RPH3A: variants seen among roughly 807,000 people sequenced by gnomAD.
RPH3A encodes the protein rabphilin-3A.
In RPH3A, 48 loss-of-function variants were observed where a neutral mutation model predicts 102.2. The observed-to-expected ratio is 0.47, with a 90% CI of 0.37 to 0.60. RPH3A has a LOEUF of 0.60. Ranked by LOEUF, RPH3A falls within the 20% of genes least tolerant of loss-of-function variation. The probability of loss-of-function intolerance (pLI) is 0.00; values close to 1 mark genes in which losing one functional copy is unlikely to be tolerated. For synonymous variants in RPH3A, 310 were observed against 324.3 expected (o/e 0.96, Z 0.47); for missense variants, 781 against 910.1 (o/e 0.86, Z 1.83).
chr12:112,869,784 G>T lies in RPH3A; in HGVS notation c.636G>T (p.Pro212=). 6.2e-7 allele frequency: 1 copy of T among 1,614,112 alleles called. No individual in the cohort carries two copies. Among genetic ancestry groups the T allele is most frequent in the South Asian group, 1.1e-5 (1 of 91,064 alleles). ...ARGDSEDRRG[P]GQKTGPDPAS... is the part of the protein sequence containing the mutation. ...GTGACAGTGAAGATAGGAGGGGCCCGGGTCAGAAGACAGGTGGGTTCTGCT... is the reference window on the plus strand; with the variant it reads ...GTGACAGTGAAGATAGGAGGGGCCCTGGTCAGAAGACAGGTGGGTTCTGCT... Residue 212 remains proline, a synonymous_variant, in exon 9 of 22, where the codon CCG becomes CCT. Transcript: ENST00000389385.
chr12:112,741,194 A>G (rs2040706368), intron 1 of RPH3A, among the ~76,000 whole-genome samples: 1 of 152,160 alleles, frequency 6.6e-6, no homozygotes, highest in Non-Finnish European at 1.5e-5. Context: ...ACAAAACAGA[A>G]AACAAGTTAA....
chr12:112,802,268 G>A (rs1161759773), intron 2 of RPH3A, among the ~76,000 whole-genome samples: 3 of 152,200 alleles, frequency 2.0e-5, no homozygotes, highest in African/African-American at 7.2e-5. Context: ...AGCTGGTTCT[G>A]GAGCTGGGTG....
At chr12:112,711,203 G>A (rs930799159) in intron 1 of RPH3A, among the ~76,000 whole-genome samples, 6 of 152,068 alleles carry the variant, frequency 3.9e-5, no homozygotes, top group African/African-American at 1.2e-4. Context: ...CTCATTCCTG[G>A]ACCTATTGAG....
At chr12:112,856,735 TA>T (rs2042417759) in intron 5 of RPH3A, among the ~76,000 whole-genome samples, 1 of 152,204 alleles carries the variant, frequency 6.6e-6, no homozygotes, top group South Asian at 2.1e-4. Flanking sequence ...CAGGGATATA[TA>T]AAAGCTACAG....
At chr12:112,865,590 GGGGAAAGT>G (rs760458922) in intron 6 of RPH3A, 47 bp downstream of exon 6, 1 of 1,591,828 alleles carries the variant, frequency 6.3e-7, no homozygotes, top group African/African-American at 1.4e-5. Context: ...CACCTGCAGA[GGGGAAAGT>G]CCTAGGCTCC....
intron 1 of RPH3A, among the ~76,000 whole-genome samples, chr12:112,785,672 C>T (rs4620783): frequency 0.059 from 9,026 of 152,218 alleles, 646 homozygotes; most frequent in African/African-American, 0.17. Context: ...TAAGGAAGTG[C>T]TATCATTTGC....
chr12:112,877,459 C>CACACACA (rs1555219884), intron 13 of RPH3A, among the ~76,000 whole-genome samples: 2 of 146,272 alleles, frequency 1.4e-5, no homozygotes, highest in African/African-American at 2.5e-5. Flanking sequence ...CACACACACA[C>CACACACA]CAGTGGCATT....
chr12:112,813,592 G>C (rs913483493), intron 2 of RPH3A, among the ~76,000 whole-genome samples: 2 of 152,208 alleles, frequency 1.3e-5, no homozygotes, highest in African/African-American at 2.4e-5. Flanking sequence ...CCTGTGACTA[G>C]AGACTGTGCT....
chr12:112,805,062 G>C (rs2041432123), intron 2 of RPH3A, among the ~76,000 whole-genome samples: 1 of 151,962 alleles, frequency 6.6e-6, no homozygotes, highest in African/African-American at 2.4e-5. Context: ...CCTCTATCCT[G>C]ACCATATCTC....
In RPH3A at chr12:112,828,392, A is replaced by G. The variant is rs2041916246; in HGVS notation, c.71+3A>G. The G allele has an allele frequency of 1.9e-6, 3 of 1,601,776 alleles. No individual in the cohort carries two copies. The highest frequency in any genetic ancestry group is 2.6e-6 in the Non-Finnish European group (3 of 1,174,202). On this transcript the variant is annotated splice_donor_region_variant and intron_variant, in intron 3 of 21. Transcript: ENST00000389385. ...AGTGACCGGCCCCTTCAATCAAAGTAAGTTGCTGCATCTTCCTGGGAGTGG... is the reference window on the plus strand; with the variant it reads ...AGTGACCGGCCCCTTCAATCAAAGTGAGTTGCTGCATCTTCCTGGGAGTGG...
intron 1 of RPH3A, among the ~76,000 whole-genome samples, chr12:112,645,807 T>C (rs886469100): frequency 6.6e-6 from 1 of 152,142 alleles, no homozygotes; most frequent in Non-Finnish European, 1.5e-5. Flanking sequence ...AATTTGTCAA[T>C]GTGAGTGGCG....
At chr12:112,837,570 C>G (rs2042074443) in intron 4 of RPH3A, among the ~76,000 whole-genome samples, 2 of 152,188 alleles carry the variant, frequency 1.3e-5, no homozygotes, top group African/African-American at 4.8e-5. Flanking sequence ...CAGGTGAGAG[C>G]TTTGAACAAG....
intron 1 of RPH3A, among the ~76,000 whole-genome samples, chr12:112,631,794 G>T (rs2039808005): frequency 6.6e-6 from 1 of 152,128 alleles, no homozygotes; most frequent in South Asian, 2.1e-4. Flanking sequence ...AAATTGCTGA[G>T]ATTATAGGCA....
At chr12:112,579,041 G>A (rs1263194330) in intron 1 of RPH3A, among the ~76,000 whole-genome samples, 1 of 151,942 alleles carries the variant, frequency 6.6e-6, no homozygotes, top group Non-Finnish European at 1.5e-5. Context: ...TAAAGCTATC[G>A]TGCCTGGGAA....
chr12:112,669,280 T>A (rs919041552), intron 1 of RPH3A, among the ~76,000 whole-genome samples: 1 of 152,228 alleles, frequency 6.6e-6, no homozygotes, highest in African/African-American at 2.4e-5. Context: ...GATACCTCAA[T>A]TATCCTAATT....
intron 1 of RPH3A, among the ~76,000 whole-genome samples, chr12:112,742,704 A>C (rs2040718302): frequency 6.6e-6 from 1 of 152,228 alleles, no homozygotes; most frequent in Admixed American, 6.5e-5. Context: ...CTGACATCCC[A>C]GCATGGTGAG....
chr12:112,882,464 G>A (rs1364164242), intron 15 of RPH3A, among the ~76,000 whole-genome samples: 2 of 152,176 alleles, frequency 1.3e-5, no homozygotes, highest in African/African-American at 4.8e-5. Context: ...GGCAAAGGTG[G>A]CAGTACATCT....
At chr12:112,624,280 T>C (rs967738512) in intron 1 of RPH3A, among the ~76,000 whole-genome samples, 6 of 151,220 alleles carry the variant, frequency 4.0e-5, no homozygotes, top group Non-Finnish European at 5.9e-5. Context: ...AGCTAGTTTT[T>C]TGAAAGGATC....
At chr12:112,865,277 G>A in intron 5 of RPH3A, 137 bp from the exon 6 acceptor site, 1 of 1,023,580 alleles carries the variant, frequency 9.8e-7, no homozygotes, top group East Asian at 2.5e-5. Context: ...CTTTTCTTGG[G>A]GAAGAGTTCA....
Sources: gnomAD v4.1 joint callset for allele counts (sites outside exome capture counted in the v4.1 genomes callset) on GRCh38, gnomAD v4.1.1 for gene constraint, MANE v1.5 for transcripts, NCBI Gene and HGNC (gene_info 2026-07-23, HGNC 2026-07-21) for gene names.